Variants in OPRL1 observed in about 807,000 individuals in gnomAD.
OPRL1 encodes opioid related nociceptin receptor 1, also known as nociceptin receptor.
OPRL1 carries 5 observed loss-of-function variants against 15.5 expected under a neutral mutation model. The ratio of observed to expected loss-of-function variants is 0.32; its 90% CI spans 0.17 to 0.68. The LOEUF is 0.68. Ranked by LOEUF, OPRL1 falls within the 30% of genes least tolerant of loss-of-function variation. The probability of loss-of-function intolerance (pLI) is 0.72; values close to 1 mark genes in which losing one functional copy is unlikely to be tolerated. For synonymous variants in OPRL1, 223 were observed against 230.2 expected (o/e 0.97, Z 0.28); for missense variants, 406 against 515.3 (o/e 0.79, Z 2.05).
chr20:64,083,543 C>T lies in OPRL1; in HGVS notation c.-185+3191C>T, dbSNP rs1201211587. 6.5e-7 allele frequency: 1 copy of T among 1,542,512 alleles called. No homozygotes were observed. The highest frequency in any genetic ancestry group is 2.0e-5 in the Admixed American group (1 of 50,178). ...CCGGCGTGTGCGGAGGCGGGCAGGGCCCCTCCCCTTTCCCCGCCCCTACCG... is the reference window on the plus strand; with the variant it reads ...CCGGCGTGTGCGGAGGCGGGCAGGGTCCCTCCCCTTTCCCCGCCCCTACCG... On this transcript the variant is annotated intron_variant, in intron 1 of 4. Coordinates refer to ENST00000336866, the MANE Select transcript of OPRL1 (RefSeq NM_182647.4). This position sits in a 1 kb window ranked among gnomAD's most constrained non-coding sequence, Gnocchi z 4.9.
chr20:64,088,656 A>AGGCCAGGATCTGTGCAGAGT (rs2060081618), intron 1 of OPRL1, among the ~76,000 whole-genome samples: 5 of 30,164 alleles, frequency 1.7e-4, no homozygotes, highest in Admixed American at 8.5e-4. Flanking sequence ...CTGTGCAGGG[A>AGGCCAGGATCTGTGCAGAGT]GGCCAGGATC....
chr20:64,098,224 C>G lies in OPRL1; in HGVS notation c.590-52C>G, dbSNP rs2295448. On this transcript the variant is annotated intron_variant, in intron 4 of 4. Transcript: ENST00000336866. ...CTCCCGGGTGGCTCCTCTGGGCCCA[C>G]GTGCCCTCCACGTCTCCTGGGCCCA... is the stretch of plus-strand genomic sequence containing the variant. 3 of 1,601,874 alleles carry G rather than the reference C, an allele frequency of 1.9e-6. No individual in the cohort carries two copies. In the East Asian group the frequency reaches 6.7e-5, roughly 36 times the overall value.
At chr20:64,096,266 C>T (rs529912250) in intron 3 of OPRL1, among the ~76,000 whole-genome samples, 24 of 152,112 alleles carry the variant, frequency 1.6e-4, no homozygotes, top group Admixed American at 8.5e-4. Flanking sequence ...GAGCAATGCT[C>T]AGGAGCTGCC....
chr20:64,087,915 C>G (rs1035144035), intron 1 of OPRL1, among the ~76,000 whole-genome samples: 22 of 152,334 alleles, frequency 1.4e-4, no homozygotes, highest in Admixed American at 4.6e-4. Flanking sequence ...ACCACCAGTT[C>G]TCCTCCGTGG....
rs952041940 is a variant in OPRL1 at position 64,089,678 on chromosome 20, G to A, written c.-184-2288G>A. Reference sequence around the variant, plus strand: ...AAGACAGACATGCGAAGGGAGAGGTGTCTGCAGTAGCAGGGATGAGGTGCT... The same window carrying A: ...AAGACAGACATGCGAAGGGAGAGGTATCTGCAGTAGCAGGGATGAGGTGCT... On this transcript the variant is annotated intron_variant, in intron 1 of 4. Coordinates refer to ENST00000336866, the MANE Select transcript of OPRL1 (RefSeq NM_182647.4). This position sits in a 1 kb window ranked among gnomAD's most constrained non-coding sequence, Gnocchi z 5.5. Among the ~76,000 whole-genome samples, 1 of 152,158 alleles carries A rather than the reference G, an allele frequency of 6.6e-6. No individual in the cohort carries two copies. The highest frequency in any genetic ancestry group is 2.4e-5 in the African/African-American group (1 of 41,418).
intron 1 of OPRL1, among the ~76,000 whole-genome samples, chr20:64,086,245 G>A (rs374265183): frequency 9.7e-4 from 148 of 152,318 alleles, no homozygotes; most frequent in African/African-American, 3.4e-3. Flanking sequence ...GGGGAGTCAC[G>A]CAGGGAGTAG....
rs1004523073 is a variant in OPRL1, at chr20:64,089,492, G to A, written c.-184-2474G>A. Reference sequence around the variant, plus strand: ...TTCTTCCTGTCCTCCTATCCCCAGCGTGTTTTCCTCCCTCTTCTCCCATCC... The same window carrying A: ...TTCTTCCTGTCCTCCTATCCCCAGCATGTTTTCCTCCCTCTTCTCCCATCC... On this transcript the variant is annotated intron_variant, in intron 1 of 4. Coordinates refer to ENST00000336866, the MANE Select transcript of OPRL1 (RefSeq NM_182647.4). The surrounding 1 kb of genome is among the most constrained non-coding windows in gnomAD (Gnocchi z 5.5). Among the ~76,000 whole-genome samples the A allele has an allele frequency of 3.9e-5, 6 of 151,996 alleles. No homozygotes were observed. Among genetic ancestry groups the A allele is most frequent in the Admixed American group, 1.3e-4 (2 of 15,266 alleles).
At chr20:64,080,394 C>G (rs2059954088) in intron 1 of OPRL1, 42 bp downstream of exon 1, 1 of 152,170 alleles carries the variant, frequency 6.6e-6, no homozygotes, top group South Asian at 2.1e-4. Context: ...TGAGCCGCGT[C>G]TGTAAAACTG....
intron 1 of OPRL1, among the ~76,000 whole-genome samples, chr20:64,081,800 T>A (rs573864873): frequency 6.6e-6 from 1 of 152,238 alleles, no homozygotes; most frequent in Non-Finnish European, 1.5e-5. Context: ...TTCATGGGGA[T>A]CAAAGGGCCC....
At chr20:64,084,593 T>G (rs865868510) in intron 1 of OPRL1, among the ~76,000 whole-genome samples, 23 of 152,338 alleles carry the variant, frequency 1.5e-4, no homozygotes, top group African/African-American at 5.3e-4. Context: ...AGGTGACGCC[T>G]GGGGGACCTT....
At chr20:64,096,922 A>C (rs200912815) in intron 3 of OPRL1, among the ~76,000 whole-genome samples, 3 of 466 alleles carry the variant, frequency 6.4e-3, no homozygotes, top group East Asian at 0.036. Context: ...CATCACCATC[A>C]CCACTATCAC....
At chr20:64,091,624 C>T (rs1173498043) in intron 1 of OPRL1, among the ~76,000 whole-genome samples, 23 of 152,070 alleles carry the variant, frequency 1.5e-4, no homozygotes, top group African/African-American at 5.1e-4. Flanking sequence ...CTGGGGGGTC[C>T]GGGCCAGTCT....
intron 1 of OPRL1, among the ~76,000 whole-genome samples, chr20:64,088,007 G>C (rs890516388): frequency 6.6e-6 from 1 of 152,258 alleles, no homozygotes; most frequent in African/African-American, 2.4e-5. Flanking sequence ...CCCCTAGCCA[G>C]GTGACCAGGC....
rs61742883 is a variant in OPRL1, at chr20:64,097,919, G to A, written c.351G>A (p.Pro117=). 3.5e-3 allele frequency: 5,701 copies of A among 1,613,632 alleles called. 114 individuals carry two copies. In the African/African-American group the frequency reaches 0.054, roughly 15 times the overall value. ...CGGACATCCTCCTGGGCTTCTGGCC[G>A]TTTGGGAATGCGCTGTGCAAGACAG... ...QGTDILLGFW[P]FGNALCKTVI... Residue 117 remains proline, a synonymous_variant, in exon 4 of 5, where the codon CCG becomes CCA. Transcript: ENST00000336866. The surrounding 1 kb of genome is among the most constrained non-coding windows in gnomAD (Gnocchi z 4.2).
chr20:64,088,600 T>TAGGATCTGTGCAGAGTGGCC (rs2060078960), intron 1 of OPRL1, among the ~76,000 whole-genome samples: 281 of 15,798 alleles, frequency 0.018, 3 homozygotes, highest in African/African-American at 0.049. Flanking sequence ...GTGCAAGGGG[T>TAGGATCTGTGCAGAGTGGCC]AGGATCTGTG....
Position 64,092,730 on chromosome 20 carries a change from C to T in OPRL1, c.10C>T (p.Leu4Phe). The change falls in exon 3 of 5, where the codon CTC becomes TTC. Residue 4 changes from leucine to phenylalanine, a missense_variant. Transcript: ENST00000336866. ...TTTGCAGGGCAGTGGCATGGAGCCC[C>T]TCTTCCCCGCGCCGTTCTGGGAGGT... MEP[L>F]FPAPFWEVIY... is the part of the protein sequence containing the mutation. 7.4e-6 allele frequency: 12 copies of T among 1,612,246 alleles called. 1 individual carries two copies. In the South Asian group the frequency reaches 9.9e-5, roughly 13 times the overall value.
Position 64,083,121 on chromosome 20 carries a change from C to T in OPRL1, c.-185+2769C>T. ...ACTTCTGCTGAAACAGGCTCTTTCT[C>T]CGTCCTCCCCAAGACTGGGGGCCTC... On this transcript the variant is annotated intron_variant, in intron 1 of 4. Transcript: ENST00000336866. This position sits in a 1 kb window ranked among gnomAD's most constrained non-coding sequence, Gnocchi z 4.9. 6.6e-6 allele frequency among the ~76,000 whole-genome samples: 1 copy of T among 152,196 alleles called. No individual in the cohort carries two copies. Among genetic ancestry groups the T allele is most frequent in the East Asian group, 1.9e-4 (1 of 5,184 alleles).
At chr20:64,086,530 C>G (rs979258630) in intron 1 of OPRL1, 1 of 197,388 alleles carries the variant, frequency 5.1e-6, no homozygotes, top group Non-Finnish European at 1.2e-5. Flanking sequence ...CAAGGGCTAA[C>G]GGAAATGCTG....
In OPRL1 at chr20:64,083,619, C is replaced by T; in HGVS notation, c.-185+3267C>T. 6.8e-7 allele frequency: 1 copy of T among 1,476,184 alleles called. No homozygotes were observed. Among genetic ancestry groups the T allele is most frequent in the African/African-American group, 1.5e-5 (1 of 68,910 alleles). 91.4% of individuals were successfully genotyped at this position (1,476,184 alleles called of 1,614,324 possible). A position where few individuals can be genotyped will look rare whatever the true frequency, so the allele number is the denominator to read the frequency against. On this transcript the variant is annotated intron_variant, in intron 1 of 4. Coordinates refer to ENST00000336866, the MANE Select transcript of OPRL1 (RefSeq NM_182647.4). The surrounding 1 kb of genome is among the most constrained non-coding windows in gnomAD (Gnocchi z 4.9). The stretch of plus-strand genomic sequence containing the variant: ...CCAGGGGGTCCGGGATCCGCGCGGG[C>T]TTCAGCTGCGGCGGCAGGAACAGCT...
Sources: gnomAD v4.1 joint callset for allele counts (sites outside exome capture counted in the v4.1 genomes callset) on GRCh38, gnomAD v4.1.1 for gene constraint, Gnocchi (gnomAD v3.1) non-coding constraint, MANE v1.5 for transcripts, NCBI Gene and HGNC (gene_info 2026-07-23, HGNC 2026-07-21) for gene names.